Variants in SMC1B observed in about 807,000 individuals in gnomAD.
SMC1B encodes the protein structural maintenance of chromosomes protein 1B.
A neutral mutation model predicts 157.9 loss-of-function variants in SMC1B; 60 were observed. That is an observed-to-expected ratio of 0.38 (90% CI 0.31 to 0.47). The LOEUF is 0.47. Among genes scored for constraint, SMC1B ranks in the 20% least tolerant of loss-of-function variants. The pLI, the probability that SMC1B is intolerant of heterozygous loss-of-function variation, is 0.99. For missense variants in SMC1B, 1,165 were observed against 1,426.2 expected (o/e 0.82, Z 2.95); for synonymous variants, 445 against 483.0 (o/e 0.92, Z 1.03).
At chr22:45,366,817 T>C (rs2086780617) in intron 15 of SMC1B, among the ~76,000 whole-genome samples, 1 of 152,250 alleles carries the variant, frequency 6.6e-6, no homozygotes, top group South Asian at 2.1e-4. Flanking sequence ...TTTCTATATC[T>C]TGTAGGCATT....
intron 12 of SMC1B, among the ~76,000 whole-genome samples, chr22:45,374,026 T>A (rs6006736): frequency 2.0e-5 from 3 of 147,490 alleles, no homozygotes; most frequent in Admixed American, 6.9e-5. Flanking sequence ...AGGTTATGTA[T>A]AAAACAAGGT....
intron 14 of SMC1B, 126 bp downstream of exon 14, chr22:45,371,345 T>C (rs2086828909): frequency 7.5e-7 from 1 of 1,333,076 alleles, no homozygotes; most frequent in African/African-American, 1.5e-5. Context: ...GCTTACAACA[T>C]TGTTGTTTCT....
chr22:45,385,281 A>G (rs2086978881), intron 11 of SMC1B, among the ~76,000 whole-genome samples: 1 of 152,194 alleles, frequency 6.6e-6, no homozygotes, highest in South Asian at 2.1e-4. Flanking sequence ...TGTAGTTTAT[A>G]CATACTATAG....
At chr22:45,378,720 C>T (rs2086906667) in intron 12 of SMC1B, among the ~76,000 whole-genome samples, 2 of 152,080 alleles carry the variant, frequency 1.3e-5, no homozygotes, top group Non-Finnish European at 2.9e-5. Context: ...GTTATCTTTT[C>T]CATTCTATTA....
At position 45,354,993 on chromosome 22, in the gene SMC1B, CTT is replaced by C; in HGVS notation, c.3082_3083del (p.Lys1028AspfsTer14). 1 of 1,614,176 alleles carries C rather than the reference CTT, an allele frequency of 6.2e-7. No homozygotes were observed. Among genetic ancestry groups the C allele is most frequent in the Non-Finnish European group, 8.5e-7 (1 of 1,180,026 alleles). On this transcript the variant is annotated frameshift_variant, in exon 20 of 25. Transcript: ENST00000357450. LOFTEE classifies it high-confidence loss of function. ...ACTCTTGAAACTTGTCTCTGACAGT[CTT>C]TAAGTTCTCCAGTGCTCGTAGGTTT... ...APNLRALENL[K>X]TVRDKFQEST...
intron 6 of SMC1B, among the ~76,000 whole-genome samples, chr22:45,397,875 T>C (rs1242063119): frequency 6.6e-6 from 1 of 152,166 alleles, no homozygotes; most frequent in Non-Finnish European, 1.5e-5. Context: ...AAATTCTTCT[T>C]TGCCTTCCTC....
chr22:45,403,534 G>C (rs2087221054), intron 4 of SMC1B, among the ~76,000 whole-genome samples: 1 of 152,160 alleles, frequency 6.6e-6, no homozygotes, highest in South Asian at 2.1e-4. Context: ...GCTCACTGTA[G>C]CCTCGACCTC....
chr22:45,394,088 G>C (rs1442762998), intron 8 of SMC1B, among the ~76,000 whole-genome samples: 1 of 152,114 alleles, frequency 6.6e-6, no homozygotes, highest in Non-Finnish European at 1.5e-5. Flanking sequence ...TTGAGAGGTT[G>C]AGTGGGTGGC....
intron 21 of SMC1B, 54 bp downstream of exon 21, chr22:45,353,917 AAAACAAC>A: frequency 8.2e-6 from 7 of 857,882 alleles, no homozygotes; most frequent in Admixed American, 3.2e-5. Context: ...AAAAAAAAAA[AAAACAAC>A]CACCACCGGT....
chr22:45,374,519 T>C (rs933245047), intron 12 of SMC1B, among the ~76,000 whole-genome samples: 1 of 152,234 alleles, frequency 6.6e-6, no homozygotes, highest in African/African-American at 2.4e-5. Flanking sequence ...TGTTACAGTC[T>C]AGTCTTGCCT....
chr22:45,354,948 C>G lies in SMC1B; in HGVS notation c.3118+11G>C. The G allele has an allele frequency of 6.2e-7, 1 of 1,613,398 alleles. No homozygotes were observed. Among genetic ancestry groups the G allele is most frequent in the Non-Finnish European group, 8.5e-7 (1 of 1,179,434 alleles). On this transcript the variant is annotated intron_variant, in intron 20 of 24. Coordinates refer to ENST00000357450, the MANE Select transcript of SMC1B (RefSeq NM_148674.5). ...GAATATAATCTTGTTAGTGACTACA[C>G]TCAATTTTACCATCTGTGGACTCTT...
chr22:45,411,022 A>C (rs898271897), intron 1 of SMC1B, among the ~76,000 whole-genome samples: 2 of 152,246 alleles, frequency 1.3e-5, no homozygotes, highest in Non-Finnish European at 2.9e-5. Flanking sequence ...ACTAAACATA[A>C]ACTTTTAAAA....
chr22:45,359,640 C>A (rs947866026), intron 18 of SMC1B, among the ~76,000 whole-genome samples, 165 bp downstream of exon 18: 1 of 152,164 alleles, frequency 6.6e-6, no homozygotes, highest in Non-Finnish European at 1.5e-5. Flanking sequence ...GGGTTCATCC[C>A]GTGGCCCTAG....
At chr22:45,401,439 A>G (rs915379183) in intron 5 of SMC1B, among the ~76,000 whole-genome samples, 3 of 152,266 alleles carry the variant, frequency 2.0e-5, no homozygotes, top group African/African-American at 7.2e-5. Context: ...TATGTTCAAC[A>G]TGAAGGCTCC....
intron 5 of SMC1B, among the ~76,000 whole-genome samples, chr22:45,401,412 G>A (rs529623553): frequency 3.9e-5 from 6 of 152,306 alleles, no homozygotes; most frequent in South Asian, 4.2e-4. Flanking sequence ...ATAGAAAAGG[G>A]GTACTCAGAA....
intron 15 of SMC1B, among the ~76,000 whole-genome samples, chr22:45,365,759 T>A (rs1184755324): frequency 6.6e-6 from 1 of 151,744 alleles, no homozygotes; most frequent in Non-Finnish European, 1.5e-5. Context: ...AGAAACCAAC[T>A]AGCAAAAGCA....
At chr22:45,397,322 G>A (rs1232699402) in intron 6 of SMC1B, among the ~76,000 whole-genome samples, 1 of 152,126 alleles carries the variant, frequency 6.6e-6, no homozygotes, top group Non-Finnish European at 1.5e-5. Flanking sequence ...TTTGAGACCA[G>A]CCTAGGCAAC....
chr22:45,351,063 A>G (rs1311909667), intron 22 of SMC1B, among the ~76,000 whole-genome samples: 1 of 152,146 alleles, frequency 6.6e-6, no homozygotes, highest in African/African-American at 2.4e-5. Context: ...CTCAAATGTT[A>G]CCTTCTCAAA....
At chr22:45,397,486 G>A (rs1006220954) in intron 6 of SMC1B, among the ~76,000 whole-genome samples, 1 of 152,186 alleles carries the variant, frequency 6.6e-6, no homozygotes, top group African/African-American at 2.4e-5. Flanking sequence ...ACAGACAGGG[G>A]TGGGTCCCCA....
Sources: allele counts gnomAD v4.1 joint callset (sites outside exome capture counted in the v4.1 genomes callset), GRCh38; gene constraint gnomAD v4.1.1; transcripts MANE v1.5; gene names NCBI Gene and HGNC (gene_info 2026-07-23, HGNC 2026-07-21).